Variants in B3GAT2 observed in about 807,000 individuals in gnomAD.
B3GAT2 encodes the protein beta-1,3-glucuronyltransferase 2.
In B3GAT2, 26 loss-of-function variants were observed where a neutral mutation model predicts 27.8. That is an observed-to-expected ratio of 0.93 (90% CI 0.68 to 1.30). The LOEUF is 1.30. Ranked by LOEUF, B3GAT2 falls within the 50% of genes most tolerant of loss-of-function variation. B3GAT2 has a pLI of 0.00. For missense variants in B3GAT2, 458 were observed against 459.0 expected, an observed-to-expected ratio of 1.00 and a Z score of 0.02; for synonymous variants, 218 against 195.1, an observed-to-expected ratio of 1.12 and a Z score of -0.98.
At chr6:70,869,694 G>A (rs1265986704) in intron 2 of B3GAT2, among the ~76,000 whole-genome samples, 1 of 152,010 alleles carries the variant, frequency 6.6e-6, no homozygotes, top group Non-Finnish European at 1.5e-5. Flanking sequence ...TTTTCAGATT[G>A]TTCATTGCTA....
intron 1 of B3GAT2, among the ~76,000 whole-genome samples, chr6:70,914,473 T>G (rs1772736302): frequency 6.6e-6 from 1 of 152,226 alleles, no homozygotes; most frequent in African/African-American, 2.4e-5. Context: ...CATCCTTTTT[T>G]ATGGCTGCAT....
At chr6:70,945,247 A>G (rs1260857406) in intron 1 of B3GAT2, among the ~76,000 whole-genome samples, 1 of 152,224 alleles carries the variant, frequency 6.6e-6, no homozygotes. Context: ...AGTTGAGAGA[A>G]GAAGGCTTCA....
intron 1 of B3GAT2, among the ~76,000 whole-genome samples, chr6:70,946,358 T>C (rs996111170): frequency 6.6e-6 from 1 of 151,882 alleles, no homozygotes; most frequent in East Asian, 1.9e-4. Context: ...GAGACACACA[T>C]AGGCTCAAAA....
At position 70,956,599 on chromosome 6, in the gene B3GAT2, C is replaced by A; in HGVS notation, c.-170G>T. ...GGAGCCGCGGGGCTCACTACCTGGG[C>A]GTGGAGGAGCGGCAGGTTCGCGCAA... On this transcript the variant is annotated 5_prime_UTR_variant, in exon 1 of 4. Coordinates refer to ENST00000230053, the MANE Select transcript of B3GAT2 (RefSeq NM_080742.3). The A allele has an allele frequency of 4.2e-6, 6 of 1,433,340 alleles. No homozygotes were observed. The highest frequency in any genetic ancestry group is 5.5e-6 in the Non-Finnish European group (6 of 1,100,150). The allele number at this position is 1,433,340 out of a possible 1,614,324, so 88.8% of individuals were successfully genotyped here.
chr6:70,901,717 A>G (rs1772502460), intron 1 of B3GAT2, among the ~76,000 whole-genome samples: 1 of 152,152 alleles, frequency 6.6e-6, no homozygotes, highest in African/African-American at 2.4e-5. Flanking sequence ...GCCAATCACC[A>G]TTCATTAACC....
intron 1 of B3GAT2, among the ~76,000 whole-genome samples, chr6:70,938,386 A>G (rs1486496113): frequency 6.6e-6 from 1 of 151,282 alleles, no homozygotes; most frequent in Non-Finnish European, 1.5e-5. Flanking sequence ...CTTTCTTCAC[A>G]GAATTGGAAA....
At position 70,894,283 on chromosome 6, in the gene B3GAT2, G is replaced by A. The variant is rs552142097; in HGVS notation, c.592-11C>T. ...GCGGGTGGTTCGCATCTATAAAAAG[G>A]GAAAAGACATGTGTTTTAAGTTTCC... On this transcript the variant is annotated splice_polypyrimidine_tract_variant and intron_variant, in intron 1 of 3. Coordinates refer to ENST00000230053, the MANE Select transcript of B3GAT2 (RefSeq NM_080742.3). The A allele has an allele frequency of 2.0e-4, 318 of 1,564,576 alleles. 5 individuals are homozygous for A. In the South Asian group the frequency reaches 3.3e-3, roughly 16 times the overall value.
At chr6:70,898,400 C>A (rs1010321040) in intron 1 of B3GAT2, among the ~76,000 whole-genome samples, 7 of 152,146 alleles carry the variant, frequency 4.6e-5, no homozygotes, top group Admixed American at 2.0e-4. Context: ...CCCCCCACCT[C>A]CCCAACTCAC....
chr6:70,942,938 G>A (rs1765417840), intron 1 of B3GAT2, among the ~76,000 whole-genome samples: 1 of 152,152 alleles, frequency 6.6e-6, no homozygotes, highest in Non-Finnish European at 1.5e-5. Flanking sequence ...TAGAGATGCA[G>A]GTACAATTTA....
chr6:70,941,115 G>A (rs567145366), intron 1 of B3GAT2, among the ~76,000 whole-genome samples: 26 of 152,116 alleles, frequency 1.7e-4, no homozygotes, highest in Admixed American at 7.9e-4. Context: ...TGTAATTAAG[G>A]TACCCAATTT....
rs898822079 is a variant in B3GAT2 at position 70,857,723 on chromosome 6, A to G, written c.*3940T>C. The G allele has an allele frequency of 5.1e-5, 30 of 589,048 alleles. No individual in the cohort carries two copies. The highest frequency in any genetic ancestry group is 4.9e-4 in the African/African-American group (26 of 53,588). 36.5% of individuals were successfully genotyped at this position (589,048 alleles called of 1,614,324 possible). On this transcript the variant is annotated 3_prime_UTR_variant, in exon 4 of 4. Transcript: ENST00000230053. ...TTCTTAATTAAATTTACTCAGGTTA[A>G]TAACTGATTTGTCTGCATCCTAGAA...
At chr6:70,892,040 T>G (rs947898932) in intron 2 of B3GAT2, among the ~76,000 whole-genome samples, 13 of 152,122 alleles carry the variant, frequency 8.5e-5, no homozygotes, top group Admixed American at 4.6e-4. Context: ...ATGTGTGAAG[T>G]GAAAAAAATT....
chr6:70,949,272 T>C (rs923935296), intron 1 of B3GAT2, among the ~76,000 whole-genome samples: 86 of 152,114 alleles, frequency 5.7e-4, no homozygotes, highest in Middle Eastern at 3.4e-3. Context: ...ACAGGCAACC[T>C]ACAAAATGGG....
At chr6:70,939,059 AC>A (rs1333826367) in intron 1 of B3GAT2, among the ~76,000 whole-genome samples, 6 of 152,072 alleles carry the variant, frequency 3.9e-5, no homozygotes, top group African/African-American at 1.4e-4. Context: ...ACAAGAAAAA[AC>A]CAACCAACCC....
rs769719606 is a variant in B3GAT2 at position 70,894,170 on chromosome 6, T to C, written c.694A>G (p.Thr232Ala). The change falls in exon 2 of 4, where the codon ACC (threonine) becomes GCC (alanine). Residue 232 changes from threonine to alanine, a missense_variant. Transcript: ENST00000230053. ...AAAGGCCTGTCTGCTCTCCAGCCGG[T>C]GTACCAGCCAACAACTTTGCCGTTT... ...VENGKVVGWY[T>A]GWRADRPFAI... 1.9e-6 allele frequency: 3 copies of C among 1,613,502 alleles called. No homozygotes were observed. Among genetic ancestry groups the C allele is most frequent in the South Asian group, 1.1e-5 (1 of 90,956 alleles).
chr6:70,944,905 C>T (rs553610976), intron 1 of B3GAT2, among the ~76,000 whole-genome samples: 1 of 152,266 alleles, frequency 6.6e-6, no homozygotes, highest in South Asian at 2.1e-4. Context: ...AAGCAGCATT[C>T]GCGGTTCACG....
intron 1 of B3GAT2, among the ~76,000 whole-genome samples, chr6:70,932,979 T>G (rs1773084150): frequency 6.6e-6 from 1 of 152,078 alleles, no homozygotes. Flanking sequence ...TTAAAAATTT[T>G]TGTAGAGTTG....
intron 1 of B3GAT2, among the ~76,000 whole-genome samples, chr6:70,930,301 A>C (rs1413720929): frequency 6.6e-6 from 1 of 152,244 alleles, no homozygotes; most frequent in Non-Finnish European, 1.5e-5. Flanking sequence ...TCATGACTAA[A>C]ACACCAAAAG....
intron 1 of B3GAT2, among the ~76,000 whole-genome samples, chr6:70,926,298 A>G (rs1395265639): frequency 1.3e-5 from 2 of 152,354 alleles, no homozygotes; most frequent in East Asian, 3.9e-4. Context: ...TCGCCAGCAA[A>G]GGAAGAAAGC....
Sources: allele counts gnomAD v4.1 joint callset (sites outside exome capture counted in the v4.1 genomes callset), GRCh38; gene constraint gnomAD v4.1.1; transcripts MANE v1.5; gene names NCBI Gene and HGNC (gene_info 2026-07-23, HGNC 2026-07-21).